The following ADAMTSL1 variants were observed in gnomAD, a reference collection of about 807,000 sequenced individuals.
ADAMTSL1 encodes the protein ADAMTS like 1.
ADAMTSL1 carries 126 observed loss-of-function variants against 201.8 expected under a neutral mutation model. That is an observed-to-expected ratio of 0.62 (90% CI 0.54 to 0.72). The LOEUF (loss-of-function observed/expected upper bound fraction) is 0.72, where lower values mean the gene tolerates loss of function less well. Among genes scored for constraint, ADAMTSL1 ranks in the 30% least tolerant of loss-of-function variants. The pLI, the probability that ADAMTSL1 is intolerant of heterozygous loss-of-function variation, is 0.00. For missense variants in ADAMTSL1, 2,679 were observed against 2,277.8 expected (o/e 1.18, Z -3.59); for synonymous variants, 1,121 against 903.4 (o/e 1.24, Z -4.32).
intron 1 of ADAMTSL1, among the ~76,000 whole-genome samples, chr9:18,000,835 T>G (rs1239130893): frequency 6.6e-6 from 1 of 152,084 alleles, no homozygotes; most frequent in Non-Finnish European, 1.5e-5. Context: ...TGACAGGGAC[T>G]ACAGTAAATC....
At chr9:18,852,077 A>C (rs894475972) in intron 23 of ADAMTSL1, among the ~76,000 whole-genome samples, 1 of 152,174 alleles carries the variant, frequency 6.6e-6, no homozygotes, top group Non-Finnish European at 1.5e-5. Flanking sequence ...GTGTCTGCCT[A>C]ACTACCTACT....
At chr9:18,613,933 T>C (rs1351783308) in intron 4 of ADAMTSL1, among the ~76,000 whole-genome samples, 3 of 152,194 alleles carry the variant, frequency 2.0e-5, no homozygotes, top group African/African-American at 7.2e-5. Context: ...CAGCTTTAAA[T>C]AGTCTGATCA....
chr9:18,784,180 T>C (rs1821564890), intron 19 of ADAMTSL1, among the ~76,000 whole-genome samples: 1 of 152,188 alleles, frequency 6.6e-6, no homozygotes. Flanking sequence ...AGGAAGCCTA[T>C]CCCCAAAGCC....
chr9:18,764,435 G>T (rs1820247918), intron 16 of ADAMTSL1, among the ~76,000 whole-genome samples: 1 of 152,148 alleles, frequency 6.6e-6, no homozygotes, highest in Non-Finnish European at 1.5e-5. Context: ...CATATCATCT[G>T]CAAACAAGGA....
In ADAMTSL1 at chr9:18,190,115, T is replaced by C. The variant is rs533894616; in HGVS notation, c.207+26134T>C. Among the ~76,000 whole-genome samples, 53 of 152,322 alleles carry C rather than the reference T, an allele frequency of 3.5e-4. 1 individual carries two copies. The highest frequency in any genetic ancestry group is 3.4e-3 in the Admixed American group (52 of 15,286). On this transcript the variant is annotated intron_variant, in intron 2 of 29. Coordinates refer to the ADAMTSL1 transcript ENST00000680146. The stretch of plus-strand genomic sequence containing the variant: ...CTGCACATTGCATAATGTGATACAA[T>C]AGTCACAGAAGCTCAGAAATTCAGG...
At chr9:18,816,966 G>T in intron 20 of ADAMTSL1, 143 bp from the exon 21 acceptor site, 1 of 1,048,044 alleles carries the variant, frequency 9.5e-7, no homozygotes. Flanking sequence ...CTGTGCGCTT[G>T]CAATTTTTCA....
intron 2 of ADAMTSL1, among the ~76,000 whole-genome samples, chr9:18,333,914 T>C (rs1264281627): frequency 6.6e-6 from 1 of 152,106 alleles, no homozygotes; most frequent in Non-Finnish European, 1.5e-5. Flanking sequence ...CAGCAGGATA[T>C]ATACAGGGTC....
chr9:18,643,888 T>G (rs1195753527), intron 7 of ADAMTSL1, among the ~76,000 whole-genome samples: 1 of 151,982 alleles, frequency 6.6e-6, no homozygotes, highest in East Asian at 1.9e-4. Flanking sequence ...CATTTGAATT[T>G]TAGGGTTTTT....
At chr9:18,323,476 A>G (rs1413464228) in intron 2 of ADAMTSL1, among the ~76,000 whole-genome samples, 2 of 152,168 alleles carry the variant, frequency 1.3e-5, no homozygotes, top group Non-Finnish European at 2.9e-5. Context: ...ATTAGAGCAA[A>G]TCAAGGATGT....
At chr9:18,893,193 A>T (rs1321247113) in intron 26 of ADAMTSL1, among the ~76,000 whole-genome samples, 1 of 152,006 alleles carries the variant, frequency 6.6e-6, no homozygotes, top group Non-Finnish European at 1.5e-5. Flanking sequence ...TCTTTCTCCT[A>T]CCTGGAAAAG....
At chr9:18,162,607 A>G (rs965908696) in intron 1 of ADAMTSL1, among the ~76,000 whole-genome samples, 6 of 151,984 alleles carry the variant, frequency 3.9e-5, no homozygotes, top group Non-Finnish European at 5.9e-5. Context: ...ATGCCATTAT[A>G]TATGTTATAG....
At chr9:17,985,742 A>G (rs765094692) in intron 1 of ADAMTSL1, among the ~76,000 whole-genome samples, 56 of 152,258 alleles carry the variant, frequency 3.7e-4, no homozygotes, top group Non-Finnish European at 7.8e-4. Context: ...CAATCCTTTC[A>G]TTTTATAAAT....
At chr9:18,409,792 A>G (rs977031020) in intron 2 of ADAMTSL1, among the ~76,000 whole-genome samples, 5 of 150,188 alleles carry the variant, frequency 3.3e-5, no homozygotes, top group African/African-American at 9.7e-5. Flanking sequence ...ATGACTCTCT[A>G]GAAGACTCCA....
At chr9:18,461,027 A>T (rs1820787996) in intron 2 of ADAMTSL1, among the ~76,000 whole-genome samples, 1 of 152,200 alleles carries the variant, frequency 6.6e-6, no homozygotes. Flanking sequence ...ACATGTGTCC[A>T]ATCTAATTTT....
intron 1 of ADAMTSL1, among the ~76,000 whole-genome samples, 170 bp downstream of exon 1, chr9:18,474,465 C>T (rs1263261071): frequency 2.0e-5 from 3 of 152,062 alleles, no homozygotes; most frequent in African/African-American, 7.2e-5. Context: ...GAACTTTTAA[C>T]CTCAACTTCC....
chr9:18,288,019 A>T (rs1424713339), intron 2 of ADAMTSL1, among the ~76,000 whole-genome samples: 1 of 152,140 alleles, frequency 6.6e-6, no homozygotes, highest in African/African-American at 2.4e-5. Flanking sequence ...CATACCTAGG[A>T]CTGGGCTTGA....
chr9:18,797,724 G>A (rs918139407), intron 20 of ADAMTSL1, among the ~76,000 whole-genome samples: 4 of 152,158 alleles, frequency 2.6e-5, no homozygotes, highest in Non-Finnish European at 4.4e-5. Flanking sequence ...GTTCTCATCT[G>A]TAAAAATTTA....
At chr9:18,844,096 A>T (rs1825924511) in intron 23 of ADAMTSL1, among the ~76,000 whole-genome samples, 2 of 152,142 alleles carry the variant, frequency 1.3e-5, no homozygotes, top group Non-Finnish European at 2.9e-5. Flanking sequence ...GTTCCTTTGG[A>T]TGAGGAGAGG....
At chr9:17,960,731 G>A (rs1330838682) in intron 1 of ADAMTSL1, among the ~76,000 whole-genome samples, 2 of 152,030 alleles carry the variant, frequency 1.3e-5, no homozygotes, top group Non-Finnish European at 2.9e-5. Context: ...TAACATCTCG[G>A]TCTTTTTAAC....
Sources: allele counts gnomAD v4.1 joint callset (sites outside exome capture counted in the v4.1 genomes callset), GRCh38; gene constraint gnomAD v4.1.1; transcripts MANE v1.5; gene names NCBI Gene and HGNC (gene_info 2026-07-23, HGNC 2026-07-21).